The following PDE11A variants were observed in gnomAD, a reference collection of about 807,000 sequenced individuals.
PDE11A encodes the protein dual 3',5'-cyclic-AMP and -GMP phosphodiesterase 11A.
Under a neutral mutation model 100.5 loss-of-function variants are expected in PDE11A, and 100 were observed. The observed-to-expected ratio is 1.00, with a 90% CI of 0.85 to 1.18. The LOEUF is 1.18. Among genes scored for constraint, PDE11A ranks in the 50% most tolerant of loss-of-function variants. PDE11A has a pLI of 0.00. For missense variants in PDE11A, 1,141 were observed against 1,152.6 expected (o/e 0.99, Z 0.15); for synonymous variants, 381 against 420.8 (o/e 0.91, Z 1.16).
intron 2 of PDE11A, among the ~76,000 whole-genome samples, chr2:177,914,902 C>T (rs1290034485): frequency 6.6e-6 from 1 of 152,114 alleles, no homozygotes; most frequent in Non-Finnish European, 1.5e-5. Flanking sequence ...AAGTACAGGA[C>T]ATTACATAAA....
At chr2:177,718,729 T>C (rs2081480656) in intron 12 of PDE11A, among the ~76,000 whole-genome samples, 1 of 152,226 alleles carries the variant, frequency 6.6e-6, no homozygotes, top group Non-Finnish European at 1.5e-5. Context: ...ATTTTTTCCT[T>C]TGTGTCTAAA....
At chr2:177,665,309 CA>C (rs9288007) in intron 18 of PDE11A, among the ~76,000 whole-genome samples, 163 of 112,430 alleles carry the variant, frequency 1.4e-3, no homozygotes, top group African/African-American at 3.8e-3. Flanking sequence ...CCTGTCCCTA[CA>C]AAAAAAAAAA....
intron 2 of PDE11A, among the ~76,000 whole-genome samples, chr2:178,087,112 A>G (rs1463463826): frequency 6.6e-6 from 1 of 152,096 alleles, no homozygotes; most frequent in Non-Finnish European, 1.5e-5. Context: ...TGAGGTGGGC[A>G]GATCACAAGA....
intron 9 of PDE11A, among the ~76,000 whole-genome samples, chr2:177,792,944 G>A (rs1349677639): frequency 3.3e-5 from 5 of 152,194 alleles, no homozygotes; most frequent in Non-Finnish European, 7.3e-5. Context: ...ATGGGAGGAG[G>A]TGGGAAGAAT....
chr2:177,870,839 C>A (rs555724476), intron 5 of PDE11A, among the ~76,000 whole-genome samples: 3 of 152,280 alleles, frequency 2.0e-5, no homozygotes, highest in Admixed American at 6.5e-5. Context: ...TTGTTTTTAA[C>A]TGAGCTTAAG....
chr2:177,807,269 TGAAA>T (rs1351246773), intron 9 of PDE11A, among the ~76,000 whole-genome samples: 1 of 152,120 alleles, frequency 6.6e-6, no homozygotes, highest in East Asian at 1.9e-4. Flanking sequence ...TTAAAAGGGC[TGAAA>T]GAAAGAAAAA....
At chr2:177,845,655 G>A (rs946423132) in intron 5 of PDE11A, among the ~76,000 whole-genome samples, 7 of 152,056 alleles carry the variant, frequency 4.6e-5, no homozygotes, top group Admixed American at 4.6e-4. Context: ...CTGCAATCTC[G>A]GCACTTTGGG....
intron 6 of PDE11A, among the ~76,000 whole-genome samples, chr2:177,824,214 A>T (rs2083192397): frequency 6.6e-6 from 1 of 152,120 alleles, no homozygotes; most frequent in Admixed American, 6.5e-5. Context: ...GGAACACAGG[A>T]AATTTGAGGG....
chr2:177,932,870 G>A (rs1553491060), intron 2 of PDE11A, among the ~76,000 whole-genome samples: 1 of 151,254 alleles, frequency 6.6e-6, no homozygotes, highest in Non-Finnish European at 1.5e-5. Context: ...AAAAGAAGAA[G>A]TCAAACTATC....
At chr2:178,021,619 T>C (rs1397779328) in intron 1 of PDE11A, among the ~76,000 whole-genome samples, 2 of 152,148 alleles carry the variant, frequency 1.3e-5, no homozygotes, top group Non-Finnish European at 2.9e-5. Context: ...AAAATAGATT[T>C]AACTAGCCAA....
intron 6 of PDE11A, among the ~76,000 whole-genome samples, chr2:177,831,286 C>A (rs1688340527): frequency 6.6e-6 from 1 of 152,184 alleles, no homozygotes; most frequent in African/African-American, 2.4e-5. Flanking sequence ...TAAAGACATC[C>A]CTTTGTAGCT....
At chr2:178,022,460 A>C (rs2086424489) in intron 1 of PDE11A, among the ~76,000 whole-genome samples, 1 of 144,428 alleles carries the variant, frequency 6.9e-6, no homozygotes, top group South Asian at 2.3e-4. Flanking sequence ...ATAGATTTAG[A>C]TATAGATACA....
intron 6 of PDE11A, 117 bp from the exon 7 acceptor site, chr2:177,820,412 C>T: frequency 3.0e-6 from 2 of 677,808 alleles, no homozygotes; most frequent in East Asian, 2.8e-5. Flanking sequence ...CTATTTTATA[C>T]ACTGTAACCT....
intron 2 of PDE11A, chr2:177,998,432 T>C (rs2086103902): frequency 9.7e-7 from 1 of 1,030,244 alleles, no homozygotes. Flanking sequence ...CTAGGTTAAA[T>C]TCTGCAGAGC....
intron 9 of PDE11A, among the ~76,000 whole-genome samples, chr2:177,781,499 C>A (rs1432522628): frequency 1.4e-5 from 1 of 72,366 alleles, no homozygotes; most frequent in East Asian, 4.8e-4. Context: ...ATTTCTTTTT[C>A]TTTTCTTTTT....
intron 2 of PDE11A, among the ~76,000 whole-genome samples, chr2:177,948,162 A>T (rs2085467089): frequency 6.6e-6 from 1 of 152,168 alleles, no homozygotes; most frequent in African/African-American, 2.4e-5. Flanking sequence ...AACATGATTT[A>T]ACATCTGAAT....
intron 2 of PDE11A, among the ~76,000 whole-genome samples, chr2:177,929,701 T>G (rs1449382852): frequency 2.0e-5 from 3 of 151,952 alleles, no homozygotes; most frequent in African/African-American, 4.8e-5. Context: ...GAAGAGAGAG[T>G]TAATTTTGTA....
Position 178,041,637 on chromosome 2 carries a change from CAT to C in PDE11A, c.913-27179_913-27178del, listed in dbSNP as rs568101372. ...ACCTACAATGAGCTATTTTCACACA[CAT>C]ATGTTTTTTTTCCAAAAATGGTAGA... is the stretch of plus-strand genomic sequence containing the variant. On this transcript the variant is annotated intron_variant, in intron 1 of 19. Coordinates refer to ENST00000286063, the MANE Select transcript of PDE11A (RefSeq NM_016953.4). Among the ~76,000 whole-genome samples the C allele has an allele frequency of 4.8e-3, 738 of 152,258 alleles. 4 individuals carry two copies. Among genetic ancestry groups the C allele is most frequent in the African/African-American group, 0.017 (701 of 41,550 alleles).
chr2:177,762,964 TC>T (rs1203734778), intron 10 of PDE11A, among the ~76,000 whole-genome samples: 2 of 151,732 alleles, frequency 1.3e-5, no homozygotes, highest in African/African-American at 4.8e-5. Context: ...CAGCACCCAC[TC>T]CCCCGCCCTC....
Sources: gnomAD v4.1 joint callset for allele counts (sites outside exome capture counted in the v4.1 genomes callset) on GRCh38, gnomAD v4.1.1 for gene constraint, MANE v1.5 for transcripts, NCBI Gene and HGNC (gene_info 2026-07-23, HGNC 2026-07-21) for gene names.